Variants in RPS6KA5 observed in about 807,000 individuals in gnomAD.
RPS6KA5 encodes ribosomal protein S6 kinase A5.
A neutral mutation model predicts 85.5 loss-of-function variants in RPS6KA5; 27 were observed. That is an observed-to-expected ratio of 0.32 (90% confidence interval 0.23 to 0.44). The LOEUF (loss-of-function observed/expected upper bound fraction) is 0.44, where lower values mean the gene tolerates loss of function less well. RPS6KA5 is among the 20% of genes least tolerant of loss of function. The probability of loss-of-function intolerance (pLI) is 1.00; values close to 1 mark genes in which losing one functional copy is unlikely to be tolerated. For synonymous variants in RPS6KA5, 334 were observed against 348.2 expected, an observed-to-expected ratio of 0.96 and a Z score of 0.46; for missense variants, 811 against 980.9, an observed-to-expected ratio of 0.83 and a Z score of 2.31.
intron 1 of RPS6KA5, among the ~76,000 whole-genome samples, chr14:91,044,339 CAAAGAAAGAAAG>C (rs377595815): frequency 1.5e-3 from 118 of 76,894 alleles, no homozygotes; most frequent in African/African-American, 4.7e-3. Flanking sequence ...GAAAGATAGA[CAAAGAAAGAAAG>C]AAAGAAAGAA....
At chr14:90,906,436 T>C (rs1184311120) in intron 7 of RPS6KA5, 137 bp from the exon 8 acceptor site, 2 of 577,124 alleles carry the variant, frequency 3.5e-6, no homozygotes, top group African/African-American at 1.9e-5. Context: ...AATACCTCAA[T>C]ACTGTTGAAA....
intron 2 of RPS6KA5, among the ~76,000 whole-genome samples, chr14:90,998,698 G>C (rs1238301486): frequency 2.6e-5 from 4 of 152,200 alleles, no homozygotes; most frequent in East Asian, 3.8e-4. Context: ...CAAATTATTT[G>C]AAGGTGGAAA....
rs1485509419 is a variant in RPS6KA5 at position 90,900,094 on chromosome 14, A to T, written c.1379+14T>A. The T allele has an allele frequency of 6.4e-7, 1 of 1,570,872 alleles. No homozygotes were observed. The highest frequency in any genetic ancestry group is 8.6e-7 in the Non-Finnish European group (1 of 1,159,976). The stretch of plus-strand genomic sequence containing the variant: ...AATACCTAAGAAAGAATATTATATT[A>T]AAAATGGTCATACCTTTTGCTGATT... On this transcript the variant is annotated intron_variant, in intron 11 of 16. Coordinates refer to ENST00000614987, the MANE Select transcript of RPS6KA5 (RefSeq NM_004755.4).
Position 90,923,123 on chromosome 14 carries a change from C to A in RPS6KA5, c.692G>T (p.Gly231Val). The A allele has an allele frequency of 6.2e-7, 1 of 1,608,654 alleles. No homozygotes were observed. The highest frequency in any genetic ancestry group is 8.5e-7 in the Non-Finnish European group (1 of 1,175,648). Residue 231 changes from glycine (G) to valine (V), a missense_variant, in exon 6 of 17, where the codon GGA becomes GTA. This residue lies in a region of RPS6KA5 where 650 missense variants were observed against 793.4 expected (regional missense o/e 0.82). Transcript: ENST00000614987. The part of the protein sequence containing the change: ...APDIVRGGDS[G>V]HDKAVDWWSL... ...AAAAATAGAACATACCTTGTCATGT[C>A]CTGAATCTCCCCCTCTGACAATATC...
In RPS6KA5 at chr14:90,863,317, A is replaced by G. The variant is rs1331546644; in HGVS notation, c.*8757T>C. The stretch of plus-strand genomic sequence containing the variant: ...GACTCCGTCTCAAAAAAAAAAAAAA[A>G]AAAAAAAAAAAAAGAAAAGAAAAGA... On this transcript the variant is annotated 3_prime_UTR_variant, in exon 17 of 17. Coordinates refer to ENST00000614987, the MANE Select transcript of RPS6KA5 (RefSeq NM_004755.4). 1 of 147,274 alleles carries G rather than the reference A, an allele frequency of 6.8e-6. No individual in the cohort carries two copies. The highest frequency in any genetic ancestry group is 1.5e-5 in the Non-Finnish European group (1 of 66,816). The allele number at this position is 147,274 out of a possible 1,614,324, so 9.1% of individuals were successfully genotyped here. A position where few individuals can be genotyped will look rare whatever the true frequency, so the allele number is the denominator to read the frequency against.
rs1421761882 is a variant in RPS6KA5, at chr14:90,902,797, TG to T, written c.1119+10del. 3 of 1,613,062 alleles carry T rather than the reference TG, an allele frequency of 1.9e-6. No homozygotes were observed. Among genetic ancestry groups the T allele is most frequent in the Admixed American group, 1.7e-5 (1 of 59,878 alleles). ...ATGGCCAATGTGCATGTGCACAGGA[TG>T]GGAAATTACCTGAAACAGCTTCTCA... On this transcript the variant is annotated intron_variant, in intron 9 of 16. Transcript: ENST00000614987.
At chr14:90,908,513 C>T (rs1322513780) in intron 7 of RPS6KA5, among the ~76,000 whole-genome samples, 1 of 152,058 alleles carries the variant, frequency 6.6e-6, no homozygotes, top group African/African-American at 2.4e-5. Context: ...ACTTAGGCTC[C>T]CTGTTGTCTT....
chr14:90,856,986 A>G lies in RPS6KA5; in HGVS notation c.*15088T>C, dbSNP rs2032318352. The G allele has an allele frequency of 6.6e-6, 1 of 152,612 alleles. No individual in the cohort carries two copies. Among genetic ancestry groups the G allele is most frequent in the African/African-American group, 2.4e-5 (1 of 41,456 alleles). 9.5% of individuals were successfully genotyped at this position (152,612 alleles called of 1,614,324 possible). The stretch of plus-strand genomic sequence containing the variant: ...CTTCAGCCATTCCAAAGGGGCTACA[A>G]TTTCGAGAATACCAAGCCACAGGTG... On this transcript the variant is annotated 3_prime_UTR_variant, in exon 17 of 17. Transcript: ENST00000614987.
intron 2 of RPS6KA5, among the ~76,000 whole-genome samples, chr14:90,994,441 T>C (rs1177679571): frequency 6.6e-6 from 1 of 152,082 alleles, no homozygotes; most frequent in Non-Finnish European, 1.5e-5. Flanking sequence ...TCTTCTTAAT[T>C]AAAAACATAC....
chr14:91,050,758 A>AAAAAAT (rs1260509054), intron 1 of RPS6KA5, among the ~76,000 whole-genome samples: 1 of 151,828 alleles, frequency 6.6e-6, no homozygotes, highest in East Asian at 1.9e-4. Context: ...TGTTTGTTTA[A>AAAAAAT]AAAAATAAAA....
At chr14:91,030,293 GAAGC>G (rs1394910128) in intron 1 of RPS6KA5, among the ~76,000 whole-genome samples, 2 of 152,124 alleles carry the variant, frequency 1.3e-5, no homozygotes, top group South Asian at 2.1e-4. Flanking sequence ...GGTATAGAGA[GAAGC>G]AAGGATGAGG....
Position 90,869,849 on chromosome 14 carries a change from A to G in RPS6KA5, c.*2225T>C, listed in dbSNP as rs780158096. On this transcript the variant is annotated 3_prime_UTR_variant, in exon 17 of 17. Coordinates refer to ENST00000614987, the MANE Select transcript of RPS6KA5 (RefSeq NM_004755.4). Reference sequence around the variant, plus strand: ...TAAAGATATTTGACAAGAGTGCAACAGTGTTTGTTAAGGTCTTTTCAAAAG... The same window carrying G: ...TAAAGATATTTGACAAGAGTGCAACGGTGTTTGTTAAGGTCTTTTCAAAAG... The G allele has an allele frequency of 6.6e-6, 1 of 152,148 alleles. No individual in the cohort carries two copies. Among genetic ancestry groups the G allele is most frequent in the Non-Finnish European group, 1.5e-5 (1 of 68,028 alleles). 9.4% of individuals were successfully genotyped at this position (152,148 alleles called of 1,614,324 possible). A position where few individuals can be genotyped will look rare whatever the true frequency, so the allele number is the denominator to read the frequency against.
At position 90,906,531 on chromosome 14, in the gene RPS6KA5, A is replaced by T. The variant is rs112036053; in HGVS notation, c.807-232T>A. 5.7e-3 allele frequency among the ~76,000 whole-genome samples: 862 copies of T among 152,314 alleles called. 10 individuals are homozygous for T. The highest frequency in any genetic ancestry group is 0.016 in the South Asian group (76 of 4,824). ...AAAAATGTTGGCTCATTTTTTCAGT[A>T]TAAGTCAATCCTGGTGGGAGGCTAA... On this transcript the variant is annotated intron_variant, in intron 7 of 16. Transcript: ENST00000614987.
At chr14:91,018,084 G>A (rs972357933) in intron 1 of RPS6KA5, among the ~76,000 whole-genome samples, 3 of 152,142 alleles carry the variant, frequency 2.0e-5, no homozygotes, top group Non-Finnish European at 4.4e-5. Flanking sequence ...TAATGGCCCA[G>A]AACCTTCAGG....
At position 91,001,174 on chromosome 14, in the gene RPS6KA5, G is replaced by T; in HGVS notation, c.104-15C>A. ...TGTCAAATTAGCTAAAAGAAAAAAA[G>T]AGGAAAAAAAAAACAAGAGGGTCAG... On this transcript the variant is annotated splice_polypyrimidine_tract_variant and intron_variant, in intron 1 of 16. Coordinates refer to ENST00000614987, the MANE Select transcript of RPS6KA5 (RefSeq NM_004755.4). 1.3e-6 allele frequency: 2 copies of T among 1,555,594 alleles called. No individual in the cohort carries two copies. The highest frequency in any genetic ancestry group is 1.7e-6 in the Non-Finnish European group (2 of 1,144,528).
intron 3 of RPS6KA5, among the ~76,000 whole-genome samples, chr14:90,977,567 CTTTT>C (rs1278015970): frequency 6.6e-6 from 1 of 151,930 alleles, no homozygotes; most frequent in Non-Finnish European, 1.5e-5. Flanking sequence ...GAACAGAAGT[CTTTT>C]CTTTCTTTTT....
At chr14:90,902,644 A>G (rs1465050029) in intron 9 of RPS6KA5, among the ~76,000 whole-genome samples, 164 bp downstream of exon 9, 1 of 152,236 alleles carries the variant, frequency 6.6e-6, no homozygotes, top group Non-Finnish European at 1.5e-5. Flanking sequence ...AGCAAACTAT[A>G]AGCTTCGGTT....
Position 90,943,169 on chromosome 14 carries a change from C to T in RPS6KA5, c.527G>A (p.Arg176His), listed in dbSNP as rs199633732. 2.5e-6 allele frequency: 4 copies of T among 1,595,238 alleles called. No homozygotes were observed. The highest frequency in any genetic ancestry group is 1.1e-5 in the South Asian group (1 of 89,848). The change falls in exon 5 of 17, where the codon CGT becomes CAT. Residue 176 changes from arginine to histidine, a missense_variant. By Grantham distance (29) the Arg-to-His change is conservative (BLOSUM62 0). Transcript: ENST00000614987. ...TAGAATATTCTCAAGCTTAATATCA[C>T]GATATATAATCCCCAACTGCAAAAA... The part of the protein sequence containing the change: ...EHLHKLGIIY[R>H]DIKLENILLD...
At chr14:90,969,860 T>C (rs1566807696) in intron 3 of RPS6KA5, among the ~76,000 whole-genome samples, 4 of 151,734 alleles carry the variant, frequency 2.6e-5, no homozygotes, top group Non-Finnish European at 4.4e-5. Context: ...CTCTCTTTTT[T>C]TCTCTCTCTC....
Sources: gnomAD v4.1 joint callset for allele counts (sites outside exome capture counted in the v4.1 genomes callset) on GRCh38, gnomAD v4.1.1 for gene constraint, gnomAD v4.1.1 regional missense constraint, MANE v1.5 for transcripts, NCBI Gene and HGNC (gene_info 2026-07-23, HGNC 2026-07-21) for gene names.